The following EXT1 variants were observed in gnomAD, a reference collection of about 807,000 sequenced individuals.
EXT1 encodes exostosin glycosyltransferase 1.
In EXT1, 20 loss-of-function variants were observed where a neutral mutation model predicts 82.5. That is an observed-to-expected ratio of 0.24 (90% CI 0.17 to 0.35). EXT1 has a LOEUF of 0.35. EXT1 is among the 10% of genes least tolerant of loss of function. The pLI is 1.00. For synonymous variants in EXT1, 348 were observed against 350.8 expected (o/e 0.99, Z 0.09); for missense variants, 757 against 936.5 (o/e 0.81, Z 2.50).
chr8:118,070,227 TGTGTGTGTGTG>T (rs1460014570), intron 1 of EXT1, among the ~76,000 whole-genome samples: 2 of 6,808 alleles, frequency 2.9e-4, no homozygotes, highest in Non-Finnish European at 4.4e-4. Context: ...CATAAATTTC[TGTGTGTGTGTG>T]TGTGTGTGTG....
At chr8:117,859,050 G>A (rs1812636232) in intron 1 of EXT1, among the ~76,000 whole-genome samples, 1 of 152,112 alleles carries the variant, frequency 6.6e-6, no homozygotes, top group South Asian at 2.1e-4. Flanking sequence ...TAGCAGTAAA[G>A]TATTTTTAAA....
chr8:117,905,153 A>G (rs1180135775), intron 1 of EXT1, among the ~76,000 whole-genome samples: 2 of 152,228 alleles, frequency 1.3e-5, no homozygotes, highest in Non-Finnish European at 1.5e-5. Flanking sequence ...ACTTATAGGA[A>G]CTCTGGTGAA....
chr8:117,982,058 C>T (rs138262108), intron 1 of EXT1, among the ~76,000 whole-genome samples: 23 of 152,206 alleles, frequency 1.5e-4, no homozygotes, highest in African/African-American at 5.5e-4. Flanking sequence ...TTCCCATAAA[C>T]ACAGCAACTT....
chr8:118,066,091 TA>T (rs1816981241), intron 1 of EXT1, among the ~76,000 whole-genome samples: 1 of 152,150 alleles, frequency 6.6e-6, no homozygotes, highest in African/African-American at 2.4e-5. Context: ...GTTAATCAAC[TA>T]TAGTTGGCCC....
chr8:117,826,575 T>C (rs1428599299), intron 4 of EXT1, among the ~76,000 whole-genome samples: 2 of 152,236 alleles, frequency 1.3e-5, no homozygotes, highest in Non-Finnish European at 2.9e-5. Context: ...TTTGTATCTG[T>C]GGATGGCATT....
At chr8:118,097,241 T>A (rs951356531) in intron 1 of EXT1, among the ~76,000 whole-genome samples, 1 of 151,326 alleles carries the variant, frequency 6.6e-6, no homozygotes. Flanking sequence ...AGGTCAGGAG[T>A]TCAAGATCAG....
chr8:118,092,938 G>A (rs1321459984), intron 1 of EXT1, among the ~76,000 whole-genome samples: 7 of 152,122 alleles, frequency 4.6e-5, no homozygotes, highest in Admixed American at 3.3e-4. Flanking sequence ...AACTGAGAAA[G>A]CTCCCAGGCC....
intron 1 of EXT1, among the ~76,000 whole-genome samples, chr8:118,040,642 A>G (rs1816511890): frequency 6.6e-6 from 1 of 152,162 alleles, no homozygotes; most frequent in Non-Finnish European, 1.5e-5. Flanking sequence ...TCCCTCAGCT[A>G]AGCTCCTGCA....
intron 1 of EXT1, among the ~76,000 whole-genome samples, chr8:118,054,687 T>C (rs1257640655): frequency 3.9e-5 from 6 of 152,278 alleles, no homozygotes; most frequent in Middle Eastern, 3.4e-3. Flanking sequence ...AAACCAGGAT[T>C]GAAACCCACA....
At chr8:117,939,741 T>C (rs1814237758) in intron 1 of EXT1, among the ~76,000 whole-genome samples, 1 of 152,224 alleles carries the variant, frequency 6.6e-6, no homozygotes, top group Non-Finnish European at 1.5e-5. Flanking sequence ...TTCTTTCTTG[T>C]GGTGCATATC....
chr8:117,990,000 T>C (rs758229515), intron 1 of EXT1, among the ~76,000 whole-genome samples: 1 of 152,036 alleles, frequency 6.6e-6, no homozygotes, highest in Non-Finnish European at 1.5e-5. Flanking sequence ...GGTGAAACAC[T>C]GGGTCTACTA....
At chr8:118,060,842 T>G (rs1246964173) in intron 1 of EXT1, among the ~76,000 whole-genome samples, 1 of 152,240 alleles carries the variant, frequency 6.6e-6, no homozygotes, top group Non-Finnish European at 1.5e-5. Flanking sequence ...ACAAGTATTA[T>G]TCTTCACCAA....
chr8:118,039,671 T>A (rs1363193171), intron 1 of EXT1, among the ~76,000 whole-genome samples: 1 of 151,760 alleles, frequency 6.6e-6, no homozygotes, highest in African/African-American at 2.4e-5. Context: ...TGCTGATGAA[T>A]TATTTTTACT....
At chr8:118,051,727 C>T (rs1816720093) in intron 1 of EXT1, among the ~76,000 whole-genome samples, 1 of 152,016 alleles carries the variant, frequency 6.6e-6, no homozygotes, top group Admixed American at 6.6e-5. Flanking sequence ...TGGTCAGTTG[C>T]TTCAGGTAAA....
At chr8:118,030,526 G>C (rs1012873680) in intron 1 of EXT1, among the ~76,000 whole-genome samples, 1 of 152,124 alleles carries the variant, frequency 6.6e-6, no homozygotes, top group African/African-American at 2.4e-5. Flanking sequence ...CTGTTGCCCA[G>C]GCTGGAGTCC....
At chr8:117,937,060 C>T (rs1279744204) in intron 1 of EXT1, among the ~76,000 whole-genome samples, 1 of 152,136 alleles carries the variant, frequency 6.6e-6, no homozygotes, top group Admixed American at 6.5e-5. Flanking sequence ...TCCCTTCGCT[C>T]CCTCCATTAT....
At chr8:117,852,607 A>G (rs1812474345) in intron 1 of EXT1, among the ~76,000 whole-genome samples, 1 of 152,176 alleles carries the variant, frequency 6.6e-6, no homozygotes, top group Non-Finnish European at 1.5e-5. Context: ...AAGACCCACA[A>G]CATGAATTTT....
At chr8:118,023,360 T>C (rs888470830) in intron 1 of EXT1, among the ~76,000 whole-genome samples, 1 of 152,226 alleles carries the variant, frequency 6.6e-6, no homozygotes, top group African/African-American at 2.4e-5. Context: ...TATTGGCAAT[T>C]AGCATGGTGT....
chr8:117,796,864 T>C lies in EXT1; in HGVS notation c.*2848A>G, dbSNP rs150170359. The C allele has an allele frequency of 7.2e-4, 110 of 152,346 alleles. 1 individual carries two copies. The Middle Eastern group carries it at 0.02, about 28-fold the overall frequency. 9.4% of individuals were successfully genotyped at this position (152,346 alleles called of 1,614,324 possible). A position where few individuals can be genotyped will look rare whatever the true frequency, so the allele number is the denominator to read the frequency against. Reference sequence around the variant, plus strand: ...GATATTTATAACACTTTCATATAAATAAATACACAGCCAGCTTTTAAAAAA... The same window carrying C: ...GATATTTATAACACTTTCATATAAACAAATACACAGCCAGCTTTTAAAAAA... On this transcript the variant is annotated 3_prime_UTR_variant, in exon 11 of 11. Transcript: ENST00000378204.
Sources: allele counts gnomAD v4.1 joint callset (sites outside exome capture counted in the v4.1 genomes callset), GRCh38; gene constraint gnomAD v4.1.1; transcripts MANE v1.5; gene names NCBI Gene and HGNC (gene_info 2026-07-23, HGNC 2026-07-21).